KIAA1328: variants seen among roughly 807,000 people sequenced by gnomAD.
KIAA1328 encodes the protein KIAA1328, also known as protein hinderin.
Under a neutral mutation model 68.1 loss-of-function variants are expected in KIAA1328, and 52 were observed. The ratio of observed to expected loss-of-function variants is 0.76; its 90% CI spans 0.61 to 0.96. The LOEUF (loss-of-function observed/expected upper bound fraction) is 0.96, where lower values mean the gene tolerates loss of function less well. Ranked by LOEUF, KIAA1328 falls within the 40% of genes least tolerant of loss-of-function variation. The probability of loss-of-function intolerance (pLI) is 0.00; values close to 1 mark genes in which losing one functional copy is unlikely to be tolerated. For synonymous variants in KIAA1328, 232 were observed against 239.4 expected (o/e 0.97, Z 0.28); for missense variants, 641 against 677.6 (o/e 0.95, Z 0.60).
intron 6 of KIAA1328, among the ~76,000 whole-genome samples, chr18:36,985,391 T>G (rs894957395): frequency 6.6e-6 from 1 of 152,278 alleles, no homozygotes; most frequent in Non-Finnish European, 1.5e-5. Flanking sequence ...TATATGGAAA[T>G]GTAAAGACCC....
chr18:37,053,699 C>G (rs1271026211), intron 6 of KIAA1328, among the ~76,000 whole-genome samples: 1 of 152,048 alleles, frequency 6.6e-6, no homozygotes, highest in Non-Finnish European at 1.5e-5. Context: ...GGAGGGAAAG[C>G]AAACATATCC....
intron 7 of KIAA1328, among the ~76,000 whole-genome samples, chr18:37,094,957 A>C (rs954917319): frequency 1.2e-4 from 19 of 152,030 alleles, no homozygotes; most frequent in African/African-American, 4.6e-4. Flanking sequence ...TTATGTCAAA[A>C]AAAAAAAACA....
At chr18:36,829,326 G>T in intron 1 of KIAA1328, 130 bp downstream of exon 1, 11 of 1,400,712 alleles carry the variant, frequency 7.9e-6, no homozygotes, top group Non-Finnish European at 1.0e-5. Context: ...CGTGCTGCTC[G>T]GCCCCAGTCT....
chr18:37,155,391 T>C (rs2059130894), intron 7 of KIAA1328, among the ~76,000 whole-genome samples: 1 of 152,172 alleles, frequency 6.6e-6, no homozygotes, highest in African/African-American at 2.4e-5. Context: ...TTTCCCACCC[T>C]TCCCCAATCC....
intron 6 of KIAA1328, among the ~76,000 whole-genome samples, chr18:37,062,930 T>A (rs1340225289): frequency 6.6e-6 from 1 of 152,192 alleles, no homozygotes; most frequent in African/African-American, 2.4e-5. Flanking sequence ...GCAGATTTAT[T>A]ACCTCACAAC....
intron 4 of KIAA1328, among the ~76,000 whole-genome samples, chr18:36,848,093 T>C (rs986995458): frequency 6.6e-6 from 1 of 151,706 alleles, no homozygotes; most frequent in East Asian, 1.9e-4. Context: ...TAGAATCAGC[T>C]TGTCAATTTC....
intron 5 of KIAA1328, among the ~76,000 whole-genome samples, chr18:36,932,397 C>A (rs900092278): frequency 9.9e-5 from 15 of 152,096 alleles, no homozygotes; most frequent in Admixed American, 9.2e-4. Context: ...TTTTTGTATT[C>A]TTTTGTAGAG....
At chr18:37,159,185 A>G (rs978489795) in intron 7 of KIAA1328, among the ~76,000 whole-genome samples, 6 of 152,218 alleles carry the variant, frequency 3.9e-5, no homozygotes, top group Admixed American at 3.9e-4. Context: ...TTAATAAATT[A>G]TGATATGAGC....
intron 6 of KIAA1328, among the ~76,000 whole-genome samples, chr18:37,024,864 A>G (rs2054503800): frequency 6.6e-6 from 1 of 152,192 alleles, no homozygotes; most frequent in Non-Finnish European, 1.5e-5. Flanking sequence ...TTATAGCAGC[A>G]TGATTTATAA....
At chr18:36,873,177 CTCTT>C (rs1350375979) in intron 4 of KIAA1328, among the ~76,000 whole-genome samples, 1 of 152,118 alleles carries the variant, frequency 6.6e-6, no homozygotes, top group Non-Finnish European at 1.5e-5. Flanking sequence ...TTCAATTTCT[CTCTT>C]TCTTCTCCCA....
chr18:37,019,977 AC>A (rs2054284549), intron 6 of KIAA1328, among the ~76,000 whole-genome samples: 1 of 152,128 alleles, frequency 6.6e-6, no homozygotes. Flanking sequence ...GGGCCAGTCT[AC>A]TGGTCCAGGT....
At chr18:37,184,136 T>C (rs1029560424) in intron 9 of KIAA1328, among the ~76,000 whole-genome samples, 7 of 152,236 alleles carry the variant, frequency 4.6e-5, no homozygotes, top group African/African-American at 1.7e-4. Context: ...TACCAGTTCA[T>C]GACATTCCAG....
Position 36,953,275 on chromosome 18 carries a change from TATAA to T in KIAA1328, c.449-6025_449-6022del, listed in dbSNP as rs894099669. Reference sequence around the variant, plus strand: ...GTGTAATATTTAATAATATATGCTATATAAATAAATATATTTATATTTATTATAT... The same window carrying T: ...GTGTAATATTTAATAATATATGCTATATAAATATATTTATATTTATTATAT... On this transcript the variant is annotated intron_variant, in intron 5 of 9. Coordinates refer to ENST00000280020, the MANE Select transcript of KIAA1328 (RefSeq NM_020776.3). Among the ~76,000 whole-genome samples the T allele has an allele frequency of 6.8e-5, 10 of 147,320 alleles. No homozygotes were observed. The East Asian group carries it at 9.8e-4, about 14-fold the overall frequency.
At chr18:36,941,862 G>A (rs2050724792) in intron 5 of KIAA1328, among the ~76,000 whole-genome samples, 1 of 151,912 alleles carries the variant, frequency 6.6e-6, no homozygotes. Context: ...ACCCCAGGAA[G>A]CTTATGGGAA....
chr18:36,909,165 G>A (rs1417007309), intron 5 of KIAA1328, among the ~76,000 whole-genome samples: 1 of 151,928 alleles, frequency 6.6e-6, no homozygotes, highest in Non-Finnish European at 1.5e-5. Flanking sequence ...CAAGTTCTAG[G>A]GTATATGTGC....
chr18:36,905,929 C>T (rs2049204272), intron 5 of KIAA1328, among the ~76,000 whole-genome samples: 1 of 152,162 alleles, frequency 6.6e-6, no homozygotes, highest in African/African-American at 2.4e-5. Context: ...AACCCTGCCT[C>T]CCAACTTCTG....
intron 7 of KIAA1328, among the ~76,000 whole-genome samples, chr18:37,131,344 C>T (rs563663259): frequency 6.6e-6 from 1 of 152,292 alleles, no homozygotes; most frequent in South Asian, 2.1e-4. Flanking sequence ...CCAATGATGG[C>T]TGAGTAGTGC....
intron 7 of KIAA1328, among the ~76,000 whole-genome samples, chr18:37,157,578 C>G (rs781639964): frequency 6.6e-6 from 1 of 151,728 alleles, no homozygotes. Context: ...TTTGGGAGGC[C>G]GAGTGGGCAG....
At chr18:36,894,044 G>A (rs2048788964) in intron 5 of KIAA1328, among the ~76,000 whole-genome samples, 1 of 152,060 alleles carries the variant, frequency 6.6e-6, no homozygotes, top group Non-Finnish European at 1.5e-5. Context: ...ACTTAGGTGA[G>A]GCAGATACTC....
Sources: gnomAD v4.1 joint callset for allele counts (sites outside exome capture counted in the v4.1 genomes callset) on GRCh38, gnomAD v4.1.1 for gene constraint, MANE v1.5 for transcripts, NCBI Gene and HGNC (gene_info 2026-07-23, HGNC 2026-07-21) for gene names.